The following NPAS1 variants were observed in gnomAD, a reference collection of about 807,000 sequenced individuals.
The protein encoded by NPAS1 is neuronal PAS domain protein 1.
A neutral mutation model predicts 49.2 loss-of-function variants in NPAS1; 29 were observed. The observed-to-expected ratio is 0.59, with a 90% CI of 0.44 to 0.80. The LOEUF (loss-of-function observed/expected upper bound fraction) is 0.80. NPAS1 is among the 30% of genes least tolerant of loss of function. The probability of loss-of-function intolerance (pLI) is 0.00; values close to 1 mark genes in which losing one functional copy is unlikely to be tolerated. For synonymous variants in NPAS1, 408 were observed against 380.4 expected, an observed-to-expected ratio of 1.07 and a Z score of -0.84; for missense variants, 825 against 835.5, an observed-to-expected ratio of 0.99 and a Z score of 0.15.
Position 47,019,968 on chromosome 19 carries a change from G to C in NPAS1, c.-72G>C. ...ACGCCGCGCCCGGAGCCTGCTCTGC[G>C]GCCAAGTAATCGGACTGGCGGTCCT... On this transcript the variant is annotated 5_prime_UTR_variant, in exon 1 of 12. Transcript: ENST00000602212. The C allele has an allele frequency of 2.5e-6, 1 of 395,366 alleles. No individual in the cohort carries two copies. The highest frequency in any genetic ancestry group is 4.4e-5 in the Admixed American group (1 of 22,606). 24.5% of individuals were successfully genotyped at this position (395,366 alleles called of 1,614,324 possible).
At position 47,021,213 on chromosome 19, in the gene NPAS1, T is replaced by C; in HGVS notation, c.122+44T>C. The C allele has an allele frequency of 6.9e-7, 1 of 1,453,760 alleles. No individual in the cohort carries two copies. The highest frequency in any genetic ancestry group is 9.2e-7 in the Non-Finnish European group (1 of 1,091,244). The allele number at this position is 1,453,760 out of a possible 1,614,324, so 90.1% of individuals were successfully genotyped here. A position where few individuals can be genotyped will look rare whatever the true frequency, so the allele number is the denominator to read the frequency against. ...CCCTGGCCGCGGGCCCCCCCCCGGG[T>C]CCAATTCACACCCGATGTTCTGTCC... On this transcript the variant is annotated intron_variant, in intron 2 of 11. Transcript: ENST00000602212. The surrounding 1 kb of genome is among the most constrained non-coding windows in gnomAD (Gnocchi z 5.7).
In NPAS1 at chr19:47,040,994, G is replaced by A. The variant is rs2057015223; in HGVS notation, c.1086G>A (p.Gln362=). The change falls in exon 10 of 12, where the codon CAG becomes CAA. Residue 362 remains glutamine, a synonymous_variant. Coordinates refer to ENST00000602212, the MANE Select transcript of NPAS1 (RefSeq NM_002517.4). ...TGGGCCCAGTGCTGGACAAGGGTCA[G>A]GTGATGACTGGTTACTACCGTTGGC... The part of the protein sequence containing the change: ...QSHVDLLDKG[Q]VMTGYYRWLQ... The A allele has an allele frequency of 5.9e-6, 9 of 1,519,070 alleles. No homozygotes were observed. In the South Asian group the frequency reaches 7.9e-5, roughly 13 times the overall value. 94.1% of individuals were successfully genotyped at this position (1,519,070 alleles called of 1,614,324 possible).
In NPAS1 at chr19:47,036,090, T is replaced by A. The variant is rs770631248; in HGVS notation, c.649T>A (p.Ser217Thr). 6.3e-7 allele frequency: 1 copy of A among 1,580,898 alleles called. No individual in the cohort carries two copies. The highest frequency in any genetic ancestry group is 8.6e-7 in the Non-Finnish European group (1 of 1,163,696). ...PPTPPSVSSSSSSSSSLADTP... is the reference protein window; with the variant it reads ...PPTPPSVSSSTSSSSSLADTP... ...AACCCCGCCCTCCGTCTCCTCTTCC[T>A]CCTCCTCTTCCTCTTCGCTTGCAGA... The change falls in exon 6 of 12, where the codon TCC becomes ACC. Residue 217 changes from serine (S) to threonine (T), a missense_variant. Coordinates refer to ENST00000602212, the MANE Select transcript of NPAS1 (RefSeq NM_002517.4).
chr19:47,041,552 T>C (rs1305852117), intron 10 of NPAS1, among the ~76,000 whole-genome samples: 1 of 152,052 alleles, frequency 6.6e-6, no homozygotes, highest in African/African-American at 2.4e-5. Context: ...AGGTAATGCC[T>C]TGGGCTGGAG....
intron 1 of NPAS1, among the ~76,000 whole-genome samples, chr19:47,020,252 C>T (rs2122413100): frequency 6.6e-6 from 1 of 151,928 alleles, no homozygotes; most frequent in South Asian, 2.1e-4. Context: ...GTTCTGAACG[C>T]CTGGTCCTGG....
chr19:47,031,195 T>TG (rs1231022862), intron 3 of NPAS1, among the ~76,000 whole-genome samples: 2,170 of 118,420 alleles, frequency 0.018, 35 homozygotes, highest in African/African-American at 0.043. Flanking sequence ...GTGTGTGTGT[T>TG]TTTTTTTTTT....
chr19:47,033,966 G>A (rs760284110), intron 5 of NPAS1, among the ~76,000 whole-genome samples: 4 of 108,816 alleles, frequency 3.7e-5, no homozygotes, highest in Middle Eastern at 9.4e-3. Context: ...ACAAAGTGAG[G>A]CTATGCCTTA....
At chr19:47,023,164 C>A (rs1442991659) in intron 3 of NPAS1, among the ~76,000 whole-genome samples, 1 of 152,122 alleles carries the variant, frequency 6.6e-6, no homozygotes, top group Non-Finnish European at 1.5e-5. Flanking sequence ...AATTGACTGG[C>A]GCGGAGAGAA....
intron 8 of NPAS1, 61 bp downstream of exon 8, chr19:47,039,625 T>A (rs992716027): frequency 6.5e-5 from 97 of 1,502,798 alleles, no homozygotes; most frequent in Non-Finnish European, 8.5e-5. Context: ...TGGGGGTACA[T>A]GGGGAGTCAG....
rs1264888336 is a variant in NPAS1, at chr19:47,039,480, C to T, written c.878C>T (p.Ala293Val). ...LVALGHTLPPAPLAELPLHGH... is the reference protein window; with the variant it reads ...LVALGHTLPPVPLAELPLHGH... ...GCCCTCGGGCACACGTTGCCCCCGG[C>T]CCCCCTGGCTGAGCTGCCACTCCAT... Residue 293 changes from alanine (A) to valine (V), a missense_variant, in exon 8 of 12, where the codon GCC becomes GTC. Ala to Val is a moderately conservative substitution (Grantham distance 64). Coordinates refer to ENST00000602212, the MANE Select transcript of NPAS1 (RefSeq NM_002517.4). 4 of 1,609,672 alleles carry T rather than the reference C, an allele frequency of 2.5e-6. No homozygotes were observed. Among genetic ancestry groups the T allele is most frequent in the Non-Finnish European group, 3.4e-6 (4 of 1,178,432 alleles).
chr19:47,034,923 C>T (rs78725807), intron 5 of NPAS1, among the ~76,000 whole-genome samples: 10,597 of 146,476 alleles, frequency 0.072, 529 homozygotes, highest in South Asian at 0.21. Flanking sequence ...GGCTCATGCC[C>T]GTAAACCCAG....
chr19:47,039,481 C>T lies in NPAS1; in HGVS notation c.879C>T (p.Ala293=). 4 of 1,610,966 alleles carry T rather than the reference C, an allele frequency of 2.5e-6. No individual in the cohort carries two copies. The highest frequency in any genetic ancestry group is 3.4e-6 in the Non-Finnish European group (4 of 1,178,994). The change falls in exon 8 of 12, where the codon GCC becomes GCT. Residue 293 remains alanine (A), a synonymous_variant. Transcript: ENST00000602212. ...CCCTCGGGCACACGTTGCCCCCGGC[C>T]CCCCTGGCTGAGCTGCCACTCCATG... ...LVALGHTLPP[A]PLAELPLHGH...
intron 3 of NPAS1, among the ~76,000 whole-genome samples, chr19:47,031,475 G>A (rs1441975828): frequency 2.0e-5 from 3 of 151,620 alleles, no homozygotes; most frequent in Non-Finnish European, 2.9e-5. Flanking sequence ...TTGGATTATA[G>A]GCATGAGCCA....
At chr19:47,025,923 G>T (rs1165307315) in intron 3 of NPAS1, among the ~76,000 whole-genome samples, 1 of 150,694 alleles carries the variant, frequency 6.6e-6, no homozygotes, top group Admixed American at 6.6e-5. Context: ...CGCTGAGGAA[G>T]TAACGTTTTT....
chr19:47,027,146 C>T (rs1416994704), intron 3 of NPAS1, among the ~76,000 whole-genome samples: 1 of 152,298 alleles, frequency 6.6e-6, no homozygotes, highest in East Asian at 1.9e-4. Context: ...AGGCCTGCGG[C>T]GCTTTGACGA....
intron 5 of NPAS1, among the ~76,000 whole-genome samples, chr19:47,034,095 G>T (rs998808254): frequency 6.7e-6 from 1 of 149,834 alleles, no homozygotes; most frequent in African/African-American, 2.5e-5. Context: ...ACCTGAGGTT[G>T]GGAATTCAAG....
Position 47,032,722 on chromosome 19 carries a change from G to A in NPAS1, c.512G>A (p.Gly171Asp). The A allele has an allele frequency of 6.2e-7, 1 of 1,613,670 alleles. No individual in the cohort carries two copies. Among genetic ancestry groups the A allele is most frequent in the Non-Finnish European group, 8.5e-7 (1 of 1,179,664 alleles). Residue 171 changes from glycine (G) to aspartate (D), a missense_variant, in exon 5 of 12, where the codon GGT (glycine) becomes GAT (aspartate). Gly to Asp is a moderately conservative substitution (Grantham distance 94, BLOSUM62 -1). Transcript: ENST00000602212. ...TCAGAGACAGTCTCCATCTATCTGG[G>A]TCTCTCACAGGTAAGGGACCCCCAG... ...YISETVSIYL[G>D]LSQVEMTGSS... is the part of the protein sequence containing the mutation.
intron 3 of NPAS1, among the ~76,000 whole-genome samples, chr19:47,026,174 G>A (rs1473752673): frequency 1.3e-5 from 2 of 151,458 alleles, no homozygotes; most frequent in Non-Finnish European, 2.9e-5. Context: ...CCTGACCTCA[G>A]GTGATCCATC....
intron 8 of NPAS1, 80 bp downstream of exon 8, chr19:47,039,644 C>G (rs2122534777): frequency 2.1e-6 from 3 of 1,446,760 alleles, no homozygotes; most frequent in East Asian, 2.4e-5. Context: ...AGAGGGAGTG[C>G]TGGGTCTGCA....
Sources: gnomAD v4.1 joint callset for allele counts (sites outside exome capture counted in the v4.1 genomes callset) on GRCh38, gnomAD v4.1.1 for gene constraint, Gnocchi (gnomAD v3.1) non-coding constraint, MANE v1.5 for transcripts, NCBI Gene and HGNC (gene_info 2026-07-23, HGNC 2026-07-21) for gene names.